AFG2A: variants seen among roughly 807,000 people sequenced by gnomAD.
AFG2A encodes AAA ATPase AFG2A.
At chr4:122,933,528 A>T in the AFG2A span, 2 of 1,582,442 alleles carry the variant, frequency 1.3e-6, no homozygotes, top group Non-Finnish European at 1.7e-6. Context: ...TGTTTTCTTA[A>T]GTTTTAAGCT....
chr4:123,099,542 T>A, the AFG2A span, among the ~76,000 whole-genome samples: 70 of 151,726 alleles, frequency 4.6e-4, no homozygotes, highest in African/African-American at 1.4e-3. Flanking sequence ...TTTTTTTTTT[T>A]AAAGATTGTT....
the AFG2A span, among the ~76,000 whole-genome samples, chr4:123,021,844 G>C: frequency 6.6e-6 from 1 of 152,086 alleles, no homozygotes; most frequent in African/African-American, 2.4e-5. Context: ...CAGAGATATA[G>C]ATCAATGGAA....
chr4:123,048,660 C>A, the AFG2A span, among the ~76,000 whole-genome samples: 2 of 151,898 alleles, frequency 1.3e-5, no homozygotes, highest in Non-Finnish European at 2.9e-5. Flanking sequence ...TTCTTGAGTT[C>A]TTTTTCAAAT....
the AFG2A span, among the ~76,000 whole-genome samples, chr4:122,946,787 A>T: frequency 6.6e-6 from 1 of 152,300 alleles, no homozygotes; most frequent in South Asian, 2.1e-4. Context: ...GACTTTTTAG[A>T]TAACTTTCTA....
the AFG2A span, among the ~76,000 whole-genome samples, chr4:122,932,284 A>G: frequency 6.6e-6 from 1 of 152,040 alleles, no homozygotes; most frequent in Non-Finnish European, 1.5e-5. Context: ...CAAAAAAAAA[A>G]AAAAGTGATT....
At chr4:123,263,042 T>G in the AFG2A span, among the ~76,000 whole-genome samples, 1 of 152,186 alleles carries the variant, frequency 6.6e-6, no homozygotes, top group African/African-American at 2.4e-5. Context: ...TAGTAGGGGA[T>G]GAAGCAGAAA....
At chr4:123,151,689 A>C in the AFG2A span, among the ~76,000 whole-genome samples, 21 of 152,194 alleles carry the variant, frequency 1.4e-4, no homozygotes. Flanking sequence ...TGGGAGTATA[A>C]ATTAGTTCAA....
chr4:122,953,308 T>C, the AFG2A span, among the ~76,000 whole-genome samples: 1 of 152,214 alleles, frequency 6.6e-6, no homozygotes, highest in African/African-American at 2.4e-5. Context: ...TGGCAGTCTC[T>C]CAACTTGTAA....
the AFG2A span, among the ~76,000 whole-genome samples, chr4:123,176,282 G>T: frequency 7.9e-5 from 12 of 152,142 alleles, no homozygotes; most frequent in Non-Finnish European, 1.3e-4. Context: ...CTCGTCTAAT[G>T]TTGCTGTTCT....
the AFG2A span, among the ~76,000 whole-genome samples, chr4:123,224,272 A>G: frequency 2.0e-5 from 3 of 152,070 alleles, no homozygotes; most frequent in Non-Finnish European, 4.4e-5. Context: ...CAGGTTTGTT[A>G]CATATGTATA....
At chr4:122,934,630 C>A in the AFG2A span, 5 of 1,613,806 alleles carry the variant, frequency 3.1e-6, no homozygotes, top group Middle Eastern at 1.7e-4. Context: ...GCAAGACAAC[C>A]AATTCAAAGT....
the AFG2A span, among the ~76,000 whole-genome samples, chr4:123,113,831 T>C: frequency 2.0e-5 from 3 of 152,162 alleles, no homozygotes; most frequent in South Asian, 6.2e-4. Context: ...TTTATTGAGT[T>C]AGAAAAGCTC....
chr4:123,133,756 G>A, the AFG2A span, among the ~76,000 whole-genome samples: 3 of 152,000 alleles, frequency 2.0e-5, no homozygotes, highest in African/African-American at 2.4e-5. Flanking sequence ...TGTCACTAAC[G>A]GTGGATAAGG....
the AFG2A span, among the ~76,000 whole-genome samples, chr4:123,092,583 C>T: frequency 7.7e-4 from 118 of 152,328 alleles, no homozygotes; most frequent in Non-Finnish European, 1.4e-3. Context: ...TTAGCAGCTT[C>T]GCACCCATTT....
the AFG2A span, among the ~76,000 whole-genome samples, chr4:123,186,955 A>G: frequency 7.2e-5 from 11 of 152,192 alleles, no homozygotes; most frequent in Admixed American, 1.3e-4. Flanking sequence ...GAGCTACCCA[A>G]AAGACTAGTT....
At chr4:122,992,787 C>T in the AFG2A span, among the ~76,000 whole-genome samples, 1 of 152,036 alleles carries the variant, frequency 6.6e-6, no homozygotes, top group Non-Finnish European at 1.5e-5. Context: ...GTAATGTTTC[C>T]TTCTTTTGGA....
the AFG2A span, among the ~76,000 whole-genome samples, chr4:123,285,060 A>G: frequency 1.3e-5 from 2 of 152,084 alleles, no homozygotes; most frequent in Non-Finnish European, 2.9e-5. Flanking sequence ...TAGCACACCT[A>G]CTGCCTCTAC....
At chr4:123,007,608 G>GTGTATATATA in the AFG2A span, among the ~76,000 whole-genome samples, 12 of 18,142 alleles carry the variant, frequency 6.6e-4, no homozygotes, top group African/African-American at 2.1e-3. Flanking sequence ...GTGTGTGTGT[G>GTGTATATATA]TATATATATA....
At chr4:123,018,674 C>T in the AFG2A span, among the ~76,000 whole-genome samples, 1 of 151,834 alleles carries the variant, frequency 6.6e-6, no homozygotes, top group Admixed American at 6.6e-5. Context: ...CGCTGTGTCA[C>T]CCAGGCTAGA....
Sources: gnomAD v4.1 joint callset for allele counts (sites outside exome capture counted in the v4.1 genomes callset) on GRCh38, gnomAD v4.1.1 for gene constraint, MANE v1.5 for transcripts, NCBI Gene and HGNC (gene_info 2026-07-23, HGNC 2026-07-21) for gene names.